SGK1: variants seen among roughly 807,000 people sequenced by gnomAD.
SGK1 encodes serine/threonine-protein kinase Sgk1.
Under a neutral mutation model 64.2 loss-of-function variants are expected in SGK1, and 26 were observed. The observed-to-expected ratio is 0.40, with a 90% CI of 0.30 to 0.56. SGK1 has a LOEUF of 0.56. Among genes scored for constraint, SGK1 ranks in the 20% least tolerant of loss-of-function variants. The pLI is 0.38. For missense variants in SGK1, 519 were observed against 645.6 expected (o/e 0.80, Z 2.12); for synonymous variants, 265 against 239.7 (o/e 1.11, Z -0.98).
At chr6:134,207,076 AT>A (rs1388138969) in intron 3 of SGK1, among the ~76,000 whole-genome samples, 1 of 151,492 alleles carries the variant, frequency 6.6e-6, no homozygotes, top group Non-Finnish European at 1.5e-5. Context: ...ATACAAAAAA[AT>A]TAGCTGGGCA....
intron 2 of SGK1, among the ~76,000 whole-genome samples, chr6:134,242,157 G>A (rs766161468): frequency 2.0e-4 from 30 of 152,236 alleles, no homozygotes; most frequent in African/African-American, 6.0e-4. Context: ...CTCATGAACC[G>A]CAGAGGGAAG....
intron 1 of SGK1, among the ~76,000 whole-genome samples, chr6:134,298,883 C>T (rs996445060): frequency 2.6e-5 from 4 of 151,956 alleles, no homozygotes; most frequent in African/African-American, 4.8e-5. Context: ...TCACTGCAAC[C>T]TCTACCTCCT....
chr6:134,268,717 T>C (rs113904297), intron 1 of SGK1, among the ~76,000 whole-genome samples: 2 of 111,802 alleles, frequency 1.8e-5, no homozygotes, highest in Admixed American at 1.2e-4. Flanking sequence ...AGCGAGACTC[T>C]GTCTCAAAAA....
intron 1 of SGK1, 75 bp downstream of exon 1, chr6:134,317,317 T>G: frequency 1.0e-6 from 1 of 958,134 alleles, no homozygotes; most frequent in Non-Finnish European, 1.7e-6. Flanking sequence ...AACCTCAGGC[T>G]TACTTCAGGC....
chr6:134,299,820 C>CTTT (rs777370022), intron 1 of SGK1, among the ~76,000 whole-genome samples: 6,872 of 113,036 alleles, frequency 0.061, 215 homozygotes, highest in Non-Finnish European at 0.087. Flanking sequence ...TTTTTTTTTG[C>CTTT]CCTGAGTTTG....
At position 134,264,198 on chromosome 6, in the gene SGK1, C is replaced by G. The variant is rs183338575; in HGVS notation, c.70-2050G>C. On this transcript the variant is annotated intron_variant, in intron 1 of 13. Transcript: ENST00000367858. ...ACAGTGGCGCGATCTCAGCTCACTGCAAGCTCTGCCTCCTGGGTTCACGCC... is the reference window on the plus strand; with the variant it reads ...ACAGTGGCGCGATCTCAGCTCACTGGAAGCTCTGCCTCCTGGGTTCACGCC... 6.0e-4 allele frequency among the ~76,000 whole-genome samples: 91 copies of G among 151,572 alleles called. 1 individual carries two copies. The East Asian group carries it at 0.012, about 21-fold the overall frequency.
intron 2 of SGK1, among the ~76,000 whole-genome samples, chr6:134,231,856 A>G (rs531963229): frequency 6.3e-4 from 96 of 152,146 alleles, no homozygotes; most frequent in African/African-American, 2.2e-3. Flanking sequence ...CCTGGCCAAC[A>G]TGGTGAAACC....
At chr6:134,224,677 C>T (rs368040918) in intron 2 of SGK1, among the ~76,000 whole-genome samples, 3 of 152,030 alleles carry the variant, frequency 2.0e-5, no homozygotes, top group Admixed American at 6.6e-5. Flanking sequence ...TTTCTCTTTA[C>T]GTGAATTGAA....
At chr6:134,296,776 C>CAAAAAA (rs869144600) in intron 1 of SGK1, among the ~76,000 whole-genome samples, 1 of 66,736 alleles carries the variant, frequency 1.5e-5, no homozygotes. Flanking sequence ...TATTTTGGAC[C>CAAAAAA]AAAAAAAAAA....
intron 3 of SGK1, among the ~76,000 whole-genome samples, chr6:134,204,324 T>A (rs1370645143): frequency 2.0e-5 from 3 of 151,728 alleles, no homozygotes; most frequent in Non-Finnish European, 4.4e-5. Flanking sequence ...CTGGGAAGGA[T>A]CTTCATGAGA....
intron 3 of SGK1, among the ~76,000 whole-genome samples, chr6:134,197,694 C>T (rs1188163475): frequency 6.6e-6 from 1 of 151,694 alleles, no homozygotes; most frequent in Non-Finnish European, 1.5e-5. Flanking sequence ...GGCATGGTGG[C>T]GGATGCCCGT....
intron 1 of SGK1, among the ~76,000 whole-genome samples, chr6:134,304,203 C>A (rs553191089): frequency 2.6e-5 from 4 of 152,338 alleles, no homozygotes; most frequent in Admixed American, 1.3e-4. Flanking sequence ...ACTCAGCCAA[C>A]GTCACAGGGA....
At chr6:134,290,150 CAA>C (rs35039086) in intron 1 of SGK1, among the ~76,000 whole-genome samples, 16,797 of 75,810 alleles carry the variant, frequency 0.22, 1,369 homozygotes, top group East Asian at 0.54. Flanking sequence ...AGCTCCTTCT[CAA>C]AAAAAAAAAA....
chr6:134,200,630 A>ATGC (rs1775665584), intron 3 of SGK1, among the ~76,000 whole-genome samples: 1 of 152,192 alleles, frequency 6.6e-6, no homozygotes, highest in Non-Finnish European at 1.5e-5. Context: ...ATCAGGCCAG[A>ATGC]TGCTGGCTCA....
At chr6:134,230,568 A>G (rs1776261348) in intron 2 of SGK1, 1 of 85,982 alleles carries the variant, frequency 1.2e-5, no homozygotes, top group Non-Finnish European at 2.7e-5. Context: ...TCATCAAAAG[A>G]GCAGAGGGAA....
At chr6:134,171,224 A>T in intron 11 of SGK1, 46 bp from the exon 12 acceptor site, 1 of 1,547,536 alleles carries the variant, frequency 6.5e-7, no homozygotes, top group Non-Finnish European at 8.9e-7. Context: ...GAAGTTTCAT[A>T]TGGCACACAT....
chr6:134,270,874 C>T (rs1776928353), intron 1 of SGK1, among the ~76,000 whole-genome samples: 1 of 148,040 alleles, frequency 6.8e-6, no homozygotes, highest in Non-Finnish European at 1.5e-5. Context: ...TAAAGTCTCC[C>T]TCCTCATCCT....
At chr6:134,289,036 T>C (rs1254445427) in intron 1 of SGK1, among the ~76,000 whole-genome samples, 1 of 152,186 alleles carries the variant, frequency 6.6e-6, no homozygotes, top group African/African-American at 2.4e-5. Context: ...ACCACAAAGA[T>C]CCTCCTGTCC....
intron 3 of SGK1, among the ~76,000 whole-genome samples, chr6:134,202,616 G>A (rs557247367): frequency 6.2e-4 from 95 of 152,018 alleles, no homozygotes; most frequent in African/African-American, 2.1e-3. Flanking sequence ...CCACTGCACT[G>A]CAGCCTGGGT....
Sources: gnomAD v4.1 joint callset for allele counts (sites outside exome capture counted in the v4.1 genomes callset) on GRCh38, gnomAD v4.1.1 for gene constraint, MANE v1.5 for transcripts, NCBI Gene and HGNC (gene_info 2026-07-23, HGNC 2026-07-21) for gene names.